Variants in KSR1 observed in about 807,000 individuals in gnomAD.
KSR1 encodes kinase suppressor of ras 1.
A neutral mutation model predicts 92.9 loss-of-function variants in KSR1; 35 were observed. The observed-to-expected ratio is 0.38, with a 90% CI of 0.29 to 0.50. The LOEUF (loss-of-function observed/expected upper bound fraction) is 0.50, where lower values mean the gene tolerates loss of function less well. Ranked by LOEUF, KSR1 falls within the 20% of genes least tolerant of loss-of-function variation. The pLI is 0.94. For synonymous variants in KSR1, 467 were observed against 472.6 expected (o/e 0.99, Z 0.15); for missense variants, 972 against 1,158.5 (o/e 0.84, Z 2.34).
intron 1 of KSR1, among the ~76,000 whole-genome samples, chr17:27,534,746 G>A (rs1211920872): frequency 6.6e-6 from 1 of 152,192 alleles, no homozygotes; most frequent in Non-Finnish European, 1.5e-5. Flanking sequence ...AGGGCCTAGG[G>A]GGATAACTGC....
chr17:27,489,490 T>C (rs1292885233), intron 1 of KSR1, among the ~76,000 whole-genome samples: 5 of 152,174 alleles, frequency 3.3e-5, no homozygotes. Flanking sequence ...TTCCCTTTTC[T>C]CTTCTCTTTT....
chr17:27,543,669 A>G (rs1475848482), intron 1 of KSR1, among the ~76,000 whole-genome samples: 1 of 152,132 alleles, frequency 6.6e-6, no homozygotes, highest in East Asian at 1.9e-4. Flanking sequence ...GGCAGATGAC[A>G]CTGAGGCTGA....
At chr17:27,505,737 G>A (rs1207223291) in intron 1 of KSR1, among the ~76,000 whole-genome samples, 1 of 152,216 alleles carries the variant, frequency 6.6e-6, no homozygotes, top group African/African-American at 2.4e-5. Context: ...TCATACACAT[G>A]TTTGCTGTTA....
intron 1 of KSR1, among the ~76,000 whole-genome samples, chr17:27,544,921 C>T (rs2071105850): frequency 6.6e-6 from 1 of 152,212 alleles, no homozygotes; most frequent in South Asian, 2.1e-4. Context: ...GAGTGGCTGC[C>T]TGTAGGCCAC....
chr17:27,550,184 C>T (rs2071344071), intron 1 of KSR1, among the ~76,000 whole-genome samples: 2 of 152,238 alleles, frequency 1.3e-5, no homozygotes, highest in Non-Finnish European at 2.9e-5. Context: ...GGACTACAGG[C>T]ATGCGCCACC....
chr17:27,591,536 G>T (rs1364912154), intron 7 of KSR1, among the ~76,000 whole-genome samples: 2 of 152,188 alleles, frequency 1.3e-5, no homozygotes, highest in Admixed American at 1.3e-4. Flanking sequence ...TCAACCATGG[G>T]GATGGCTCTG....
chr17:27,528,251 G>C (rs556484778), intron 1 of KSR1, among the ~76,000 whole-genome samples: 1 of 152,098 alleles, frequency 6.6e-6, no homozygotes, highest in African/African-American at 2.4e-5. Context: ...ATTTTTAGTA[G>C]AGAGAGGGTG....
At chr17:27,552,865 C>T (rs982949874) in intron 2 of KSR1, among the ~76,000 whole-genome samples, 2 of 152,188 alleles carry the variant, frequency 1.3e-5, no homozygotes, top group African/African-American at 4.8e-5. Flanking sequence ...ACACATAGCA[C>T]ATCTGGCGTG....
rs58539997 is a variant in KSR1 at position 27,609,639 on chromosome 17, T to C, written c.2225+310T>C. Among the ~76,000 whole-genome samples, 498 of 152,354 alleles carry C rather than the reference T, an allele frequency of 3.3e-3. 7 individuals carry two copies. Among genetic ancestry groups the C allele is most frequent in the African/African-American group, 0.011 (473 of 41,584 alleles). On this transcript the variant is annotated intron_variant, in intron 16 of 20. Transcript: ENST00000644974. ...GTGTCAAATTTTATTTCCCCAAATC[T>C]TGAAGGGATTGGCATAGGGAGAAAG...
intron 1 of KSR1, among the ~76,000 whole-genome samples, chr17:27,540,592 C>T (rs958610486): frequency 3.3e-5 from 5 of 152,174 alleles, no homozygotes; most frequent in African/African-American, 7.2e-5. Context: ...TGGGCCGGGC[C>T]GGGAGAGGGC....
At chr17:27,526,032 CTTTTCTTT>C (rs2070259006) in intron 1 of KSR1, among the ~76,000 whole-genome samples, 9 of 99,394 alleles carry the variant, frequency 9.1e-5, no homozygotes, top group African/African-American at 1.6e-4. Flanking sequence ...CTTTTCTTTT[CTTTTCTTT>C]TCTTTCTCTC....
chr17:27,515,154 G>A (rs756812721), intron 1 of KSR1, among the ~76,000 whole-genome samples: 3 of 152,198 alleles, frequency 2.0e-5, no homozygotes, highest in South Asian at 2.1e-4. Context: ...CATAGAAAGC[G>A]AATTTATATT....
chr17:27,495,440 A>T (rs753952156), intron 1 of KSR1, among the ~76,000 whole-genome samples: 7 of 152,194 alleles, frequency 4.6e-5, no homozygotes, highest in Non-Finnish European at 8.8e-5. Context: ...GCATTGGACA[A>T]CCTGGGCCAG....
At chr17:27,608,032 G>T (rs1235003767) in intron 15 of KSR1, 22 bp downstream of exon 15, 1 of 1,565,892 alleles carries the variant, frequency 6.4e-7, no homozygotes, top group East Asian at 2.3e-5. Context: ...CCCAGCTGCT[G>T]GGGGTGGGTT....
At chr17:27,592,323 T>C (rs1054154688) in intron 7 of KSR1, 38 bp from the exon 8 acceptor site, 4 of 1,572,954 alleles carry the variant, frequency 2.5e-6, no homozygotes, top group East Asian at 2.2e-5. Context: ...AGCCCCCCCA[T>C]GTGGTGCTTT....
chr17:27,607,957 A>T lies in KSR1; in HGVS notation c.2038A>T (p.Lys680Ter), dbSNP rs1459750558. 1 of 1,611,110 alleles carries T rather than the reference A, an allele frequency of 6.2e-7. No individual in the cohort carries two copies. Among genetic ancestry groups the T allele is most frequent in the Non-Finnish European group, 8.5e-7 (1 of 1,178,664 alleles). ...RTLHSFVRDPKTSLDINKTRQ... is the reference protein window; with the variant it reads ...RTLHSFVRDP Reference sequence around the variant, plus strand: ...GTTGCACTCGTTTGTGAGGGACCCCAAGACGTCTCTGGACATCAACAAGAC... The same window carrying T: ...GTTGCACTCGTTTGTGAGGGACCCCTAGACGTCTCTGGACATCAACAAGAC... The change falls in exon 15 of 21, where the codon AAG becomes TAG. Residue 680 changes from lysine to a stop codon, truncating the protein, a stop_gained. Coordinates refer to ENST00000644974, the MANE Select transcript of KSR1 (RefSeq NM_001394583.1). LOFTEE classifies it high-confidence loss of function.
intron 1 of KSR1, among the ~76,000 whole-genome samples, chr17:27,511,296 T>C (rs2069590941): frequency 6.6e-6 from 1 of 152,176 alleles, no homozygotes; most frequent in Non-Finnish European, 1.5e-5. Context: ...GCCAGAAGCC[T>C]CTTACCTTTC....
At chr17:27,601,191 T>G in intron 10 of KSR1, 169 bp from the exon 11 acceptor site, 1 of 604,512 alleles carries the variant, frequency 1.7e-6, no homozygotes, top group Middle Eastern at 2.8e-4. Context: ...CTCCCAGCTC[T>G]TTTCCTCCTT....
rs71359222 is a variant in KSR1, at chr17:27,555,511, C to CGTGTGTGTGTGTGT, written c.372+4816_372+4829dup. Among the ~76,000 whole-genome samples, 160 of 150,198 alleles carry CGTGTGTGTGTGTGT rather than the reference C, an allele frequency of 1.1e-3. 1 individual carries two copies. Among genetic ancestry groups the CGTGTGTGTGTGTGT allele is most frequent in the African/African-American group, 3.4e-3 (140 of 40,758 alleles). On this transcript the variant is annotated intron_variant, in intron 2 of 20. Transcript: ENST00000644974. ...TTGCCCATCCTTCAGTTTTGTTTGG[C>CGTGTGTGTGTGTGT]GTGTGTGTGTGTGTGTGTGTGTGTG...
Sources: gnomAD v4.1 joint callset for allele counts (sites outside exome capture counted in the v4.1 genomes callset) on GRCh38, gnomAD v4.1.1 for gene constraint, MANE v1.5 for transcripts, NCBI Gene and HGNC (gene_info 2026-07-23, HGNC 2026-07-21) for gene names.